Variants in LARP4 observed in about 807,000 individuals in gnomAD.
The protein encoded by LARP4 is la-related protein 4.
Under a neutral mutation model 92.9 loss-of-function variants are expected in LARP4, and 29 were observed. That is an observed-to-expected ratio of 0.31 (90% CI 0.23 to 0.43). The LOEUF is 0.43. Ranked by LOEUF, LARP4 falls within the 20% of genes least tolerant of loss-of-function variation. LARP4 has a pLI of 1.00. For synonymous variants in LARP4, 279 were observed against 284.1 expected, an observed-to-expected ratio of 0.98 and a Z score of 0.18; for missense variants, 732 against 860.0, an observed-to-expected ratio of 0.85 and a Z score of 1.86.
intron 5 of LARP4, among the ~76,000 whole-genome samples, chr12:50,437,269 A>G (rs1272949324): frequency 6.6e-6 from 1 of 152,190 alleles, no homozygotes; most frequent in Non-Finnish European, 1.5e-5. Context: ...TATAATTTGC[A>G]TATAGTTCTT....
At chr12:50,429,914 ACAG>A (rs1171955269) in intron 3 of LARP4, among the ~76,000 whole-genome samples, 1 of 152,218 alleles carries the variant, frequency 6.6e-6, no homozygotes, top group East Asian at 1.9e-4. Flanking sequence ...TGCTGGGATT[ACAG>A]GCGTGAGCCA....
At chr12:50,459,485 C>G (rs989021446) in intron 10 of LARP4, among the ~76,000 whole-genome samples, 3 of 152,130 alleles carry the variant, frequency 2.0e-5, no homozygotes, top group African/African-American at 7.2e-5. Flanking sequence ...ACTTTTTGCC[C>G]TTCCTTCGCC....
intron 1 of LARP4, among the ~76,000 whole-genome samples, chr12:50,409,188 A>G (rs1299172957): frequency 6.6e-6 from 1 of 152,168 alleles, no homozygotes; most frequent in Non-Finnish European, 1.5e-5. Context: ...CCAGCAGGCA[A>G]GAAGAAAACA....
intron 15 of LARP4, 49 bp from the exon 16 acceptor site, chr12:50,475,470 CTTTATAA>C: frequency 7.2e-6 from 10 of 1,385,982 alleles, no homozygotes; most frequent in Non-Finnish European, 9.9e-6. Context: ...CATTTTTATA[CTTTATAA>C]TTTAAAGAAT....
intron 13 of LARP4, among the ~76,000 whole-genome samples, chr12:50,469,084 C>T (rs1403954253): frequency 6.6e-6 from 1 of 151,838 alleles, no homozygotes; most frequent in Non-Finnish European, 1.5e-5. Context: ...GTATAAATTT[C>T]TTGCATTCTG....
rs1943731079 is a variant in LARP4 at position 50,401,105 on chromosome 12, G to C, written c.18+77G>C. On this transcript the variant is annotated intron_variant, in intron 1 of 15. Transcript: ENST00000398473. ...AGGCGCCGGCCGGTCCCACCGCCAT[G>C]TGACTTTCCGGGCCGTACACGCCGC... The C allele has an allele frequency of 1.9e-6, 3 of 1,551,240 alleles. No homozygotes were observed. In the Admixed American group the frequency reaches 5.0e-5, roughly 26 times the overall value.
intron 1 of LARP4, among the ~76,000 whole-genome samples, chr12:50,426,235 G>A (rs908709215): frequency 3.3e-5 from 5 of 152,208 alleles, no homozygotes; most frequent in Non-Finnish European, 7.3e-5. Flanking sequence ...GGGTGGGCTT[G>A]CTGGTGGGTA....
chr12:50,435,503 G>A lies in LARP4; in HGVS notation c.414G>A (p.Lys138=), dbSNP rs1336886592. The A allele has an allele frequency of 1.9e-6, 3 of 1,546,294 alleles. No individual in the cohort carries two copies. Among genetic ancestry groups the A allele is most frequent in the East Asian group, 2.2e-5 (1 of 44,458 alleles). The change falls in exon 5 of 16, where the codon AAG becomes AAA. Residue 138 remains lysine, a synonymous_variant. Transcript: ENST00000398473. ...GTTTTTTCAGAGAAAATTTGTCAAA[G>A]GATCTTTACTTGATATCTCAAATGG... The part of the protein sequence containing the change: ...EFCFSRENLS[K]DLYLISQMDS...
At position 50,468,336 on chromosome 12, in the gene LARP4, C is replaced by G. The variant is rs916544194; in HGVS notation, c.1545+1216C>G. On this transcript the variant is annotated intron_variant, in intron 13 of 15. Coordinates refer to ENST00000398473, the MANE Select transcript of LARP4 (RefSeq NM_052879.5). ...TTGAGACAGAGTCTCGCTCGTAGCC[C>G]AGGCTGGAGTACATTGGTGCGATCT... Among the ~76,000 whole-genome samples the G allele has an allele frequency of 1.3e-5, 2 of 151,252 alleles. 1 individual carries two copies. The highest frequency in any genetic ancestry group is 4.2e-4 in the South Asian group (2 of 4,792).
chr12:50,449,824 G>A (rs974445355), intron 8 of LARP4, among the ~76,000 whole-genome samples: 4 of 150,880 alleles, frequency 2.7e-5, no homozygotes, highest in African/African-American at 7.3e-5. Flanking sequence ...ATCTGTTTTC[G>A]GTTTTGAATA....
rs147910529 is a variant in LARP4 at position 50,438,047 on chromosome 12, T to C, written c.639+209T>C. Reference sequence around the variant, plus strand: ...GATGGTATAGAGAAAGGAAAAGATATAGTTCTATTTTCTTAGAAGGGTAGA... The same window carrying C: ...GATGGTATAGAGAAAGGAAAAGATACAGTTCTATTTTCTTAGAAGGGTAGA... On this transcript the variant is annotated intron_variant, in intron 6 of 15. Coordinates refer to ENST00000398473, the MANE Select transcript of LARP4 (RefSeq NM_052879.5). Among the ~76,000 whole-genome samples the C allele has an allele frequency of 4.0e-3, 615 of 152,324 alleles. 5 individuals carry two copies. The highest frequency in any genetic ancestry group is 0.014 in the African/African-American group (575 of 41,574).
At chr12:50,440,403 T>A in intron 6 of LARP4, 36 bp from the exon 7 acceptor site, 1 of 1,473,278 alleles carries the variant, frequency 6.8e-7, no homozygotes, top group Non-Finnish European at 9.5e-7. Flanking sequence ...TATTGATGTA[T>A]TTTTTAGAGT....
chr12:50,469,887 C>T (rs963571428), intron 13 of LARP4, among the ~76,000 whole-genome samples: 4 of 151,184 alleles, frequency 2.6e-5, no homozygotes, highest in South Asian at 2.1e-4. Context: ...CCAGCCTGGG[C>T]GACAAGAGCA....
intron 1 of LARP4, chr12:50,401,259 C>T (rs546690495): frequency 8.5e-6 from 5 of 589,404 alleles, no homozygotes; most frequent in East Asian, 5.9e-5. Context: ...AGGAGAAAAA[C>T]GGAGGGCTGT....
chr12:50,455,041 G>A (rs970883547), intron 10 of LARP4: 26 of 152,170 alleles, frequency 1.7e-4, no homozygotes, highest in African/African-American at 6.3e-4. Flanking sequence ...AATTGGTAGA[G>A]CTAAGATTTG....
At chr12:50,474,626 C>T (rs1243473105) in intron 15 of LARP4, among the ~76,000 whole-genome samples, 4 of 152,148 alleles carry the variant, frequency 2.6e-5, no homozygotes, top group Non-Finnish European at 4.4e-5. Flanking sequence ...GGATTACATG[C>T]GTGAGCCACC....
chr12:50,441,635 C>T lies in LARP4; in HGVS notation c.796C>T (p.Pro266Ser). The stretch of plus-strand genomic sequence containing the variant: ...AGAAGTTAAAACATTTCAGGGCAAG[C>T]CAATTATGGTAAGAAATAGAGATCA... ...REEVKTFQGKPIMARIKAINT... is the reference protein window; with the variant it reads ...REEVKTFQGKSIMARIKAINT... The change falls in exon 8 of 16, where the codon CCA (proline) becomes TCA (serine). Residue 266 changes from proline to serine, a missense_variant. This residue lies in a region of LARP4 where 236 missense variants were observed against 307.6 expected (regional missense o/e 0.77). Coordinates refer to ENST00000398473, the MANE Select transcript of LARP4 (RefSeq NM_052879.5). 1 of 1,599,522 alleles carries T rather than the reference C, an allele frequency of 6.3e-7. No individual in the cohort carries two copies. The highest frequency in any genetic ancestry group is 1.4e-5 in the African/African-American group (1 of 74,034).
In LARP4 at chr12:50,435,552, T is replaced by G. The variant is rs1175446913; in HGVS notation, c.463T>G (p.Trp155Gly). 6.2e-7 allele frequency: 1 copy of G among 1,602,042 alleles called. No individual in the cohort carries two copies. Among genetic ancestry groups the G allele is most frequent in the Non-Finnish European group, 8.6e-7 (1 of 1,169,280 alleles). Residue 155 changes from tryptophan (W) to glycine (G), a missense_variant, in exon 5 of 16, where the codon TGG becomes GGG. Trp to Gly is a radical substitution (Grantham distance 184). Coordinates refer to ENST00000398473, the MANE Select transcript of LARP4 (RefSeq NM_052879.5). ...QMDSDQFIPI[W>G]TVANMEEIKK... ...GGATAGTGATCAGTTCATCCCAATTTGGACAGTTGCCAACATGGAAGAAAT... is the reference window on the plus strand; with the variant it reads ...GGATAGTGATCAGTTCATCCCAATTGGGACAGTTGCCAACATGGAAGAAAT...
chr12:50,454,239 A>G (rs1175476285), intron 9 of LARP4, 75 bp from the exon 10 acceptor site: 2 of 1,060,108 alleles, frequency 1.9e-6, no homozygotes, highest in Admixed American at 2.3e-5. Flanking sequence ...TCATAAGCTC[A>G]TTAAGGTTCT....
Sources: gnomAD v4.1 joint callset for allele counts (sites outside exome capture counted in the v4.1 genomes callset) on GRCh38, gnomAD v4.1.1 for gene constraint, gnomAD v4.1.1 regional missense constraint, MANE v1.5 for transcripts, NCBI Gene and HGNC (gene_info 2026-07-23, HGNC 2026-07-21) for gene names.